The following CLIC5 variants were observed in gnomAD, a reference collection of about 807,000 sequenced individuals.
CLIC5 encodes the protein chloride intracellular channel protein 5.
Under a neutral mutation model 24.7 loss-of-function variants are expected in CLIC5, and 20 were observed. The ratio of observed to expected loss-of-function variants is 0.81; its 90% confidence interval spans 0.57 to 1.18. The LOEUF (loss-of-function observed/expected upper bound fraction) is 1.18, where lower values mean the gene tolerates loss of function less well. Among genes scored for constraint, CLIC5 ranks in the 50% most tolerant of loss-of-function variants. The pLI is 0.00. For synonymous variants in CLIC5, 159 were observed against 135.6 expected, an observed-to-expected ratio of 1.17 and a Z score of -1.20; for missense variants, 341 against 326.1, an observed-to-expected ratio of 1.05 and a Z score of -0.35.
At chr6:45,907,052 C>A (rs567952366) in intron 5 of CLIC5, among the ~76,000 whole-genome samples, 290 of 152,308 alleles carry the variant, frequency 1.9e-3, no homozygotes, top group African/African-American at 6.7e-3. Context: ...AGGACTTCCA[C>A]TACTACATTG....
At chr6:46,047,296 A>G (rs1013045124) in intron 1 of CLIC5, among the ~76,000 whole-genome samples, 4 of 152,238 alleles carry the variant, frequency 2.6e-5, no homozygotes, top group Non-Finnish European at 5.9e-5. Context: ...ATTGTTAACC[A>G]TCATGGTGAA....
chr6:45,925,212 A>G (rs1296694737), intron 4 of CLIC5, among the ~76,000 whole-genome samples: 3 of 152,256 alleles, frequency 2.0e-5, no homozygotes, highest in East Asian at 1.9e-4. Flanking sequence ...AATAAAATAC[A>G]TGTTTGCTTT....
intron 3 of CLIC5, among the ~76,000 whole-genome samples, chr6:45,946,895 G>A (rs962878080): frequency 3.3e-5 from 5 of 152,214 alleles, no homozygotes; most frequent in African/African-American, 2.4e-5. Flanking sequence ...AGCATCAAGC[G>A]TTCTGCTACC....
chr6:46,123,689 G>A, the CLIC5 span, among the ~76,000 whole-genome samples: 1 of 152,094 alleles, frequency 6.6e-6, no homozygotes, highest in African/African-American at 2.4e-5. Context: ...AAACCCCATT[G>A]TCTCAGCCCA....
intron 6 of CLIC5, among the ~76,000 whole-genome samples, chr6:45,890,754 G>A (rs972154904): frequency 6.6e-6 from 1 of 152,114 alleles, no homozygotes; most frequent in African/African-American, 2.4e-5. Flanking sequence ...AACAAAACAG[G>A]AAATGGTGTC....
the CLIC5 span, among the ~76,000 whole-genome samples, chr6:46,104,601 T>C: frequency 6.6e-6 from 1 of 151,454 alleles, no homozygotes; most frequent in East Asian, 1.9e-4. Flanking sequence ...ACCACTTTGT[T>C]CCAAGCCTGG....
At chr6:46,003,853 G>C in intron 1 of CLIC5, among the ~76,000 whole-genome samples, 1 of 152,204 alleles carries the variant, frequency 6.6e-6, no homozygotes, top group Non-Finnish European at 1.5e-5. Context: ...GGGAAACCCT[G>C]TTCTGGTGGA....
exon 1 of CLIC5, chr6:46,080,348 T>C: frequency 1.1e-6 from 1 of 925,636 alleles, no homozygotes; most frequent in South Asian, 1.8e-5. Context: ...AACGAGCTCT[T>C]AAAAGGCAGC....
intron 4 of CLIC5, among the ~76,000 whole-genome samples, chr6:45,933,095 C>T (rs1763801213): frequency 6.6e-6 from 1 of 152,150 alleles, no homozygotes; most frequent in Non-Finnish European, 1.5e-5. Flanking sequence ...GCCCAGGGAG[C>T]TTCCAGGTTC....
chr6:45,945,786 T>A (rs1341352627), intron 3 of CLIC5, among the ~76,000 whole-genome samples: 1 of 152,220 alleles, frequency 6.6e-6, no homozygotes. Context: ...TCTTGTTTTT[T>A]ACTGTGGTGA....
At chr6:45,977,495 T>C (rs1263267528) in intron 1 of CLIC5, among the ~76,000 whole-genome samples, 2 of 152,224 alleles carry the variant, frequency 1.3e-5, no homozygotes, top group African/African-American at 4.8e-5. Flanking sequence ...AAATTATTTC[T>C]TTGGCCCTTT....
At chr6:46,031,941 C>CACACAACATATATATATATATAT (rs1767515279) in intron 1 of CLIC5, among the ~76,000 whole-genome samples, 1 of 143,838 alleles carries the variant, frequency 7.0e-6, no homozygotes, top group African/African-American at 2.7e-5. Context: ...TATATATATA[C>CACACAACATATATATATATATAT]ACACACACAC....
intron 4 of CLIC5, among the ~76,000 whole-genome samples, chr6:45,931,666 T>C (rs924590663): frequency 6.6e-6 from 1 of 152,214 alleles, no homozygotes. Flanking sequence ...TTTGTTTGTT[T>C]GTTTGTTTTT....
intron 1 of CLIC5, among the ~76,000 whole-genome samples, chr6:46,008,318 A>G (rs1362765130): frequency 6.6e-6 from 1 of 152,150 alleles, no homozygotes; most frequent in Non-Finnish European, 1.5e-5. Flanking sequence ...TGGACCTGAC[A>G]TGGTTGCTCA....
At chr6:45,937,541 A>G (rs1015261093) in intron 4 of CLIC5, 1 of 152,240 alleles carries the variant, frequency 6.6e-6, no homozygotes, top group Non-Finnish European at 1.5e-5. Flanking sequence ...GGAATTGCAC[A>G]TGTACTTGTT....
At chr6:46,110,961 T>C in the CLIC5 span, among the ~76,000 whole-genome samples, 2 of 152,206 alleles carry the variant, frequency 1.3e-5, no homozygotes, top group African/African-American at 2.4e-5. Context: ...TTACGCTTGG[T>C]AGAAATGGGG....
At chr6:46,117,812 T>G in the CLIC5 span, among the ~76,000 whole-genome samples, 67,860 of 151,764 alleles carry the variant, frequency 0.45, 16,388 homozygotes, top group Middle Eastern at 0.67. Context: ...CTAAAATAGA[T>G]TTTTTTTCAC....
chr6:45,903,961 A>G (rs9296473), intron 5 of CLIC5, among the ~76,000 whole-genome samples: 19,253 of 152,196 alleles, frequency 0.13, 1,988 homozygotes, highest in African/African-American at 0.28. Context: ...TATGACATAA[A>G]AGTAAGCAAA....
chr6:46,095,691 A>G, the CLIC5 span, among the ~76,000 whole-genome samples: 7 of 152,358 alleles, frequency 4.6e-5, no homozygotes, highest in African/African-American at 1.7e-4. Flanking sequence ...ACATATTACT[A>G]TCAGCATTTT....
Sources: gnomAD v4.1 joint callset for allele counts (sites outside exome capture counted in the v4.1 genomes callset) on GRCh38, gnomAD v4.1.1 for gene constraint, MANE v1.5 for transcripts, NCBI Gene and HGNC (gene_info 2026-07-23, HGNC 2026-07-21) for gene names.